ST3GAL5: variants seen among roughly 807,000 people sequenced by gnomAD.
ST3GAL5 encodes the protein lactosylceramide alpha-2,3-sialyltransferase.
Under a neutral mutation model 46.1 loss-of-function variants are expected in ST3GAL5, and 25 were observed. The observed-to-expected ratio is 0.54, with a 90% CI of 0.40 to 0.76. The LOEUF is 0.76. Ranked by LOEUF, ST3GAL5 falls within the 30% of genes least tolerant of loss-of-function variation. The pLI is 0.00. For missense variants in ST3GAL5, 431 were observed against 521.2 expected, an observed-to-expected ratio of 0.83 and a Z score of 1.69; for synonymous variants, 182 against 192.7, an observed-to-expected ratio of 0.94 and a Z score of 0.46.
rs1439173969 is a variant in ST3GAL5 at position 85,840,465 on chromosome 2, C to T, written c.1009-73G>A. On this transcript the variant is annotated intron_variant, in intron 6 of 6. Transcript: ENST00000638572. Reference sequence around the variant, plus strand: ...AAGTCACCATTTTGCTGGTATTACACATGCTACGCAGAGTCATGAAAGCTA... The same window carrying T: ...AAGTCACCATTTTGCTGGTATTACATATGCTACGCAGAGTCATGAAAGCTA... 6 of 1,532,640 alleles carry T rather than the reference C, an allele frequency of 3.9e-6. No individual in the cohort carries two copies. The Admixed American group carries it at 1.1e-4, about 27-fold the overall frequency. 94.9% of individuals were successfully genotyped at this position (1,532,640 alleles called of 1,614,324 possible).
At chr2:85,885,054 A>G (rs1257945630) in intron 1 of ST3GAL5, among the ~76,000 whole-genome samples, 1 of 152,240 alleles carries the variant, frequency 6.6e-6, no homozygotes, top group Non-Finnish European at 1.5e-5. Context: ...TTAATCCTGA[A>G]CATTTTTCCA....
rs150185316 is a variant in ST3GAL5, at chr2:85,888,511, A to T, written c.82+313T>A. ...CTAACTCCGAAGCTTCCAGCAATGA[A>T]TTAAATCCCGAGCTGCAGCGGAAAG... On this transcript the variant is annotated intron_variant, in intron 1 of 6. Transcript: ENST00000638572. 307 of 206,718 alleles carry T rather than the reference A, an allele frequency of 1.5e-3. 2 individuals are homozygous for T. The highest frequency in any genetic ancestry group is 5.7e-3 in the Admixed American group (96 of 16,698). 12.8% of individuals were successfully genotyped at this position (206,718 alleles called of 1,614,324 possible). A position where few individuals can be genotyped will look rare whatever the true frequency, so the allele number is the denominator to read the frequency against.
At chr2:85,854,815 C>T (rs1019097709) in intron 3 of ST3GAL5, 1 of 152,164 alleles carries the variant, frequency 6.6e-6, no homozygotes, top group African/African-American at 2.4e-5. Context: ...CAGCTGAAAT[C>T]CTACAATGAT....
intron 1 of ST3GAL5, among the ~76,000 whole-genome samples, chr2:85,880,526 T>G (rs1687029260): frequency 6.6e-6 from 1 of 152,038 alleles, no homozygotes; most frequent in Non-Finnish European, 1.5e-5. Context: ...TGTCCCTCCT[T>G]CAAAAAGCTC....
chr2:85,847,510 T>C, intron 4 of ST3GAL5: 1 of 1,059,730 alleles, frequency 9.4e-7, no homozygotes, highest in Non-Finnish European at 1.1e-6. Flanking sequence ...AAGAGCTTCC[T>C]GTGTCCCTCA....
chr2:85,888,214 C>T (rs1290486563), intron 1 of ST3GAL5: 1 of 152,246 alleles, frequency 6.6e-6, no homozygotes, highest in Admixed American at 6.5e-5. Context: ...CTCGGAAAAC[C>T]CTGCGTTACT....
intron 3 of ST3GAL5, chr2:85,858,227 G>A (rs946747736): frequency 6.6e-6 from 1 of 152,236 alleles, no homozygotes; most frequent in African/African-American, 2.4e-5. Context: ...GCAAATTGCT[G>A]AGAACCACAG....
intron 1 of ST3GAL5, chr2:85,867,826 A>G: frequency 1.6e-6 from 1 of 623,796 alleles, no homozygotes; most frequent in Non-Finnish European, 2.9e-6. Flanking sequence ...ATTTACAGTA[A>G]GTATATGAAA....
intron 1 of ST3GAL5, among the ~76,000 whole-genome samples, chr2:85,883,329 T>G (rs2104244999): frequency 6.6e-6 from 1 of 152,308 alleles, no homozygotes; most frequent in African/African-American, 2.4e-5. Flanking sequence ...TGCTTTTGCT[T>G]CTTCTTCCTT....
At chr2:85,876,939 T>C (rs181739919) in intron 1 of ST3GAL5, among the ~76,000 whole-genome samples, 70 of 152,362 alleles carry the variant, frequency 4.6e-4, no homozygotes, top group African/African-American at 1.5e-3. Context: ...TTTTAAACTT[T>C]ATCTTGAAAT....
Position 85,846,484 on chromosome 2 carries a change from C to T in ST3GAL5, c.742G>A (p.Ala248Thr), listed in dbSNP as rs1409195681. Reference sequence around the variant, plus strand: ...TAATATTCAAGGTCAGACAGTGGTGCGCCCTCTGGATAAGTCATCCTTATA... The same window carrying T: ...TAATATTCAAGGTCAGACAGTGGTGTGCCCTCTGGATAAGTCATCCTTATA... ...TTIRMTYPEG[A>T]PLSDLEYYSN... Residue 248 changes from alanine to threonine, a missense_variant, in exon 5 of 7, where the codon GCA (alanine) becomes ACA (threonine). Transcript: ENST00000638572. 14 of 1,613,988 alleles carry T rather than the reference C, an allele frequency of 8.7e-6. No homozygotes were observed. The highest frequency in any genetic ancestry group is 5.3e-5 in the African/African-American group (4 of 74,914).
chr2:85,851,117 A>T, intron 3 of ST3GAL5: 1 of 328,110 alleles, frequency 3.0e-6, no homozygotes, highest in Non-Finnish European at 4.5e-6. Flanking sequence ...GGGTTTCACC[A>T]TGTTGGTCAG....
In ST3GAL5 at chr2:85,863,388, G is replaced by T. The variant is rs1175251832; in HGVS notation, c.180C>A (p.Pro60=). Residue 60 remains proline (P), a synonymous_variant, in exon 2 of 7, where the codon CCC becomes CCA. Coordinates refer to ENST00000638572, the MANE Select transcript of ST3GAL5 (RefSeq NM_003896.4). ...YTRAQSKMRR[P]SLLLKDILKC... Reference sequence around the variant, plus strand: ...TGAGGATGTCTTTTAATAACAAGCTGGGCCTTCTCATCTTGCTTTGAGCTC... The same window carrying T: ...TGAGGATGTCTTTTAATAACAAGCTTGGCCTTCTCATCTTGCTTTGAGCTC... 1 of 1,614,080 alleles carries T rather than the reference G, an allele frequency of 6.2e-7. No individual in the cohort carries two copies. The highest frequency in any genetic ancestry group is 1.3e-5 in the African/African-American group (1 of 74,918).
intron 6 of ST3GAL5, 30 bp from the exon 7 acceptor site, chr2:85,840,422 A>G (rs769897891): frequency 6.2e-7 from 1 of 1,604,360 alleles, no homozygotes; most frequent in Non-Finnish European, 8.5e-7. Context: ...ACCAAAAAGT[A>G]AAAAAAAATT....
At chr2:85,880,816 T>A in intron 1 of ST3GAL5, 1 of 475,536 alleles carries the variant, frequency 2.1e-6, no homozygotes, top group South Asian at 1.5e-5. Context: ...AGACCAAGAA[T>A]CTGTCTAAAA....
At chr2:85,879,781 T>C (rs571584780) in intron 1 of ST3GAL5, among the ~76,000 whole-genome samples, 1 of 152,334 alleles carries the variant, frequency 6.6e-6, no homozygotes, top group African/African-American at 2.4e-5. Context: ...AAAGCAATTC[T>C]GGGACCCAGT....
At chr2:85,882,262 G>A (rs961629059) in intron 1 of ST3GAL5, among the ~76,000 whole-genome samples, 1 of 152,242 alleles carries the variant, frequency 6.6e-6, no homozygotes, top group Non-Finnish European at 1.5e-5. Context: ...TGTGGGGTCA[G>A]AGCAGCCACA....
At chr2:85,842,345 C>T (rs188157622) in intron 6 of ST3GAL5, among the ~76,000 whole-genome samples, 5 of 152,092 alleles carry the variant, frequency 3.3e-5, no homozygotes, top group African/African-American at 4.8e-5. Context: ...CAATGTTTGT[C>T]GAAGGAGTGT....
chr2:85,848,771 CA>C (rs1683126939), intron 3 of ST3GAL5: 1 of 165,346 alleles, frequency 6.0e-6, no homozygotes, highest in South Asian at 1.6e-4. Flanking sequence ...ATTTGTTTCA[CA>C]AGAGTTTAAA....
Sources: gnomAD v4.1 joint callset for allele counts (sites outside exome capture counted in the v4.1 genomes callset) on GRCh38, gnomAD v4.1.1 for gene constraint, MANE v1.5 for transcripts, NCBI Gene and HGNC (gene_info 2026-07-23, HGNC 2026-07-21) for gene names.